AFTPH: variants seen among roughly 807,000 people sequenced by gnomAD.
AFTPH encodes the protein aftiphilin.
In AFTPH, 7 loss-of-function variants were observed where a neutral mutation model predicts 72.5. The observed-to-expected ratio is 0.10, with a 90% confidence interval of 0.05 to 0.18. The LOEUF is 0.18. AFTPH is among the 10% of genes least tolerant of loss of function. AFTPH has a pLI of 1.00. For missense variants in AFTPH, 979 were observed against 1,060.5 expected, an observed-to-expected ratio of 0.92 and a Z score of 1.07; for synonymous variants, 337 against 370.1, an observed-to-expected ratio of 0.91 and a Z score of 1.03.
At chr2:64,575,703 ATGTGTGTGTGTGTGTGTGTGTGTG>A (rs149890368) in intron 6 of AFTPH, among the ~76,000 whole-genome samples, 4 of 145,712 alleles carry the variant, frequency 2.7e-5, no homozygotes, top group African/African-American at 5.1e-5. Context: ...ATGTGTGTAT[ATGTGTGTGTGTGTGTGTGTGTGTG>A]TGTGTGTGTG....
chr2:64,524,386 A>AGGC (rs914103794), exon 1 of AFTPH: 35 of 403,468 alleles, frequency 8.7e-5, no homozygotes, highest in South Asian at 3.3e-4. Flanking sequence ...GAGGTGGAGG[A>AGGC]GGCGGCGGCG....
intron 1 of AFTPH, among the ~76,000 whole-genome samples, chr2:64,541,340 A>G (rs1670241303): frequency 1.3e-5 from 2 of 152,104 alleles, no homozygotes; most frequent in African/African-American, 4.8e-5. Context: ...TTGGTGTCTG[A>G]TATCTTGGGT....
chr2:64,531,526 G>A (rs540885827), intron 1 of AFTPH, among the ~76,000 whole-genome samples: 13 of 152,230 alleles, frequency 8.5e-5, no homozygotes, highest in Admixed American at 2.6e-4. Context: ...CTTGCTTAAT[G>A]CCATGCTCTT....
At chr2:64,561,845 T>TG (rs1253501147) in intron 2 of AFTPH, among the ~76,000 whole-genome samples, 1 of 152,240 alleles carries the variant, frequency 6.6e-6, no homozygotes, top group Non-Finnish European at 1.5e-5. Context: ...CTAACTTTGT[T>TG]GAAAACAATG....
At chr2:64,531,183 C>T (rs1669614231) in intron 1 of AFTPH, among the ~76,000 whole-genome samples, 1 of 151,690 alleles carries the variant, frequency 6.6e-6, no homozygotes. Flanking sequence ...CCAGATTTTA[C>T]CATCATAGAA....
chr2:64,573,109 A>G (rs1264324247), intron 6 of AFTPH, 41 bp downstream of exon 6: 1 of 1,459,476 alleles, frequency 6.9e-7, no homozygotes, highest in East Asian at 2.3e-5. Flanking sequence ...TTATGCGTGT[A>G]TATACACATA....
chr2:64,547,837 G>A (rs562213957), intron 1 of AFTPH, among the ~76,000 whole-genome samples: 12 of 152,086 alleles, frequency 7.9e-5, no homozygotes, highest in Admixed American at 7.2e-4. Context: ...GGCTGGAGTA[G>A]TACAGTGGTG....
intron 7 of AFTPH, among the ~76,000 whole-genome samples, chr2:64,583,389 A>T (rs1232086873): frequency 6.8e-6 from 1 of 147,534 alleles, no homozygotes; most frequent in Admixed American, 6.8e-5. Flanking sequence ...TTTTTGAAAA[A>T]TCTAATCATA....
At chr2:64,574,865 A>G (rs1197972293) in intron 6 of AFTPH, among the ~76,000 whole-genome samples, 6 of 152,248 alleles carry the variant, frequency 3.9e-5, no homozygotes, top group Admixed American at 1.3e-4. Flanking sequence ...CTGTCTATGC[A>G]TATTTCAGAA....
chr2:64,583,633 G>A (rs180809180), intron 7 of AFTPH, among the ~76,000 whole-genome samples: 2 of 152,280 alleles, frequency 1.3e-5, no homozygotes, highest in East Asian at 1.9e-4. Context: ...TTTAGAGAGG[G>A]AGGTACTTTG....
At chr2:64,545,804 TAGTG>T (rs1670574299) in intron 1 of AFTPH, among the ~76,000 whole-genome samples, 1 of 151,890 alleles carries the variant, frequency 6.6e-6, no homozygotes, top group Admixed American at 6.6e-5. Context: ...TGTGTCTTGA[TAGTG>T]GTGGTAGTTA....
chr2:64,573,052 C>CATCT lies in AFTPH; in HGVS notation c.2379_2382dup (p.Asp795IlefsTer2). 6.2e-7 allele frequency: 1 copy of CATCT among 1,613,976 alleles called. No individual in the cohort carries two copies. The highest frequency in any genetic ancestry group is 8.5e-7 in the Non-Finnish European group (1 of 1,179,872). On this transcript the variant is annotated frameshift_variant, in exon 6 of 9. Transcript: ENST00000238856. LOFTEE classifies it high-confidence loss of function. Reference sequence around the variant, plus strand: ...ATGTCACCAGATATGAACACATGTACATCTGATCAGTTCCAGGTAAAAATA... The same window carrying CATCT: ...ATGTCACCAGATATGAACACATGTACATCTATCTGATCAGTTCCAGGTAAAAATA...
exon 2 of AFTPH, chr2:64,551,718 A>C: frequency 3.7e-6 from 6 of 1,613,888 alleles, no homozygotes; most frequent in Middle Eastern, 3.3e-4. Context: ...TACAAGCTTT[A>C]AGTCCATTAA....
intron 8 of AFTPH, 147 bp downstream of exon 9, chr2:64,585,692 T>G (rs368055317): frequency 1.2e-6 from 1 of 830,430 alleles, no homozygotes; most frequent in African/African-American, 1.8e-5. Flanking sequence ...CCAGAAAATA[T>G]TATCAAATTA....
chr2:64,565,170 C>CA (rs993292330), intron 2 of AFTPH, among the ~76,000 whole-genome samples: 21 of 151,908 alleles, frequency 1.4e-4, no homozygotes, highest in South Asian at 6.2e-4. Flanking sequence ...AATAAAATGT[C>CA]AGAGTAAATT....
intron 8 of AFTPH, among the ~76,000 whole-genome samples, chr2:64,588,109 T>C (rs894134245): frequency 1.3e-5 from 2 of 152,192 alleles, no homozygotes; most frequent in Admixed American, 1.3e-4. Context: ...AGTCACTCCT[T>C]ATCCCTCTCG....
intron 1 of AFTPH, among the ~76,000 whole-genome samples, chr2:64,542,347 C>T (rs2042091): frequency 0.37 from 55,774 of 151,960 alleles, 10,529 homozygotes; most frequent in African/African-American, 0.46. Context: ...TAGAGGAATA[C>T]GTAGGGAATA....
intron 1 of AFTPH, among the ~76,000 whole-genome samples, chr2:64,537,641 A>C (rs1255098232): frequency 6.6e-6 from 1 of 152,192 alleles, no homozygotes; most frequent in African/African-American, 2.4e-5. Flanking sequence ...AAATTTGCCA[A>C]AGTGTTCCAG....
intron 7 of AFTPH, 110 bp downstream of exon 8, chr2:64,581,383 CTTTT>C (rs1165714711): frequency 1.3e-6 from 1 of 781,822 alleles, no homozygotes; most frequent in Non-Finnish European, 1.9e-6. Flanking sequence ...TCTATAATGT[CTTTT>C]TAATACTTTT....
Sources: allele counts gnomAD v4.1 joint callset (sites outside exome capture counted in the v4.1 genomes callset), GRCh38; gene constraint gnomAD v4.1.1; transcripts MANE v1.5; gene names NCBI Gene and HGNC (gene_info 2026-07-23, HGNC 2026-07-21).